MAGI2: variants seen among roughly 807,000 people sequenced by gnomAD.
The protein encoded by MAGI2 is membrane associated guanylate kinase, WW and PDZ domain containing 2.
MAGI2 carries 35 observed loss-of-function variants against 133.3 expected under a neutral mutation model. That is an observed-to-expected ratio of 0.26 (90% CI 0.20 to 0.35). The LOEUF is 0.35. MAGI2 is among the 10% of genes least tolerant of loss of function. MAGI2 has a pLI of 1.00. For missense variants in MAGI2, 1,636 were observed against 1,863.4 expected (o/e 0.88, Z 2.25); for synonymous variants, 729 against 710.6 (o/e 1.03, Z -0.41).
chr7:78,689,513 AT>A lies in MAGI2; in HGVS notation c.419-62275del, dbSNP rs938774097. 2.6e-5 allele frequency among the ~76,000 whole-genome samples: 4 copies of A among 152,204 alleles called. No individual in the cohort carries two copies. In the South Asian group the frequency reaches 6.2e-4, roughly 24 times the overall value. ...ACCTCCAATCTAATTACGATTGATAATATTTCCATCACCTCAAATGCTTCAT... is the reference window on the plus strand; with the variant it reads ...ACCTCCAATCTAATTACGATTGATAAATTTCCATCACCTCAAATGCTTCAT... On this transcript the variant is annotated intron_variant, in intron 2 of 21. Transcript: ENST00000354212.
At chr7:78,283,136 T>G (rs1795796365) in intron 9 of MAGI2, among the ~76,000 whole-genome samples, 1 of 152,126 alleles carries the variant, frequency 6.6e-6, no homozygotes, top group Non-Finnish European at 1.5e-5. Context: ...GGATTATGGA[T>G]TTCCTTTGAA....
At chr7:79,416,248 T>C (rs1329238839) in intron 1 of MAGI2, among the ~76,000 whole-genome samples, 2 of 152,008 alleles carry the variant, frequency 1.3e-5, no homozygotes, top group Non-Finnish European at 2.9e-5. Flanking sequence ...GAAATATTAA[T>C]CTGTTCTAAA....
rs143823771 is a variant in MAGI2, at chr7:78,335,369, G to T, written c.1408+8409C>A. On this transcript the variant is annotated intron_variant, in intron 9 of 21. Transcript: ENST00000354212. ...AATGGGAGTGTCTCCAAAACAGAAA[G>T]AAAATGCCCCAGAGAACAGATTAGA... Among the ~76,000 whole-genome samples the T allele has an allele frequency of 1.3e-3, 199 of 152,238 alleles. 3 individuals are homozygous for T. The highest frequency in any genetic ancestry group is 4.6e-3 in the African/African-American group (192 of 41,522).
chr7:79,246,031 G>A (rs1169734100), intron 1 of MAGI2, among the ~76,000 whole-genome samples: 3 of 152,322 alleles, frequency 2.0e-5, no homozygotes, highest in Non-Finnish European at 4.4e-5. Context: ...CACCAGGGCA[G>A]TAACATATAG....
At chr7:78,379,161 G>A (rs1399401480) in intron 6 of MAGI2, among the ~76,000 whole-genome samples, 1 of 151,742 alleles carries the variant, frequency 6.6e-6, no homozygotes, top group Non-Finnish European at 1.5e-5. Flanking sequence ...AAATAAAGTA[G>A]GGCACATAGA....
intron 1 of MAGI2, among the ~76,000 whole-genome samples, chr7:79,315,086 C>G (rs1337376936): frequency 6.6e-6 from 1 of 151,654 alleles, no homozygotes; most frequent in Non-Finnish European, 1.5e-5. Flanking sequence ...ATACAAAATT[C>G]TTCACATTTG....
chr7:79,209,347 A>C (rs934825896), intron 1 of MAGI2, among the ~76,000 whole-genome samples: 2 of 152,118 alleles, frequency 1.3e-5, no homozygotes, highest in Admixed American at 1.3e-4. Context: ...GTGATTACAC[A>C]TAAAGTGTTT....
intron 10 of MAGI2, among the ~76,000 whole-genome samples, chr7:78,208,084 G>C (rs989807418): frequency 6.8e-6 from 1 of 147,480 alleles, no homozygotes; most frequent in African/African-American, 2.5e-5. Context: ...TGGCCAGGCT[G>C]GTCTCGAACT....
chr7:78,511,551 A>AT (rs760565213), intron 4 of MAGI2, among the ~76,000 whole-genome samples: 10,585 of 127,816 alleles, frequency 0.083, 547 homozygotes, highest in Non-Finnish European at 0.11. Context: ...ATATATATAA[A>AT]TTTTTTTTTT....
At chr7:78,761,439 G>T (rs1031885115) in intron 2 of MAGI2, among the ~76,000 whole-genome samples, 10 of 151,942 alleles carry the variant, frequency 6.6e-5, no homozygotes, top group Non-Finnish European at 1.5e-4. Context: ...AACCATCTGG[G>T]GGTCTTGTTA....
At chr7:78,673,838 G>T (rs1023829876) in intron 2 of MAGI2, among the ~76,000 whole-genome samples, 1 of 152,064 alleles carries the variant, frequency 6.6e-6, no homozygotes, top group African/African-American at 2.4e-5. Flanking sequence ...GGTCAAGCTG[G>T]CATATAAAAT....
At chr7:79,313,448 T>C (rs1838451989) in intron 1 of MAGI2, among the ~76,000 whole-genome samples, 1 of 151,932 alleles carries the variant, frequency 6.6e-6, no homozygotes, top group Non-Finnish European at 1.5e-5. Context: ...CCCTTCTTCC[T>C]CCCCTCTCCC....
chr7:79,131,485 A>G (rs1027079966), intron 1 of MAGI2, among the ~76,000 whole-genome samples: 2 of 152,206 alleles, frequency 1.3e-5, no homozygotes, highest in African/African-American at 4.8e-5. Context: ...GTACTTTGAC[A>G]TTCATTATTT....
intron 6 of MAGI2, among the ~76,000 whole-genome samples, chr7:78,398,111 C>T (rs1172791609): frequency 1.3e-5 from 2 of 152,062 alleles, no homozygotes; most frequent in East Asian, 1.9e-4. Flanking sequence ...GAGAAATTTC[C>T]TATCTACATG....
At chr7:79,052,857 A>G (rs1207965853) in intron 1 of MAGI2, among the ~76,000 whole-genome samples, 3 of 152,128 alleles carry the variant, frequency 2.0e-5, no homozygotes, top group Non-Finnish European at 4.4e-5. Flanking sequence ...CATATTCTTA[A>G]TCTTATAAAA....
At chr7:78,727,263 A>G (rs1820913050) in intron 2 of MAGI2, among the ~76,000 whole-genome samples, 1 of 152,164 alleles carries the variant, frequency 6.6e-6, no homozygotes. Flanking sequence ...TATGGAAGAG[A>G]GAGAGAGAGT....
At chr7:78,644,040 A>T (rs1039710889) in intron 2 of MAGI2, among the ~76,000 whole-genome samples, 3 of 152,192 alleles carry the variant, frequency 2.0e-5, no homozygotes, top group Non-Finnish European at 4.4e-5. Context: ...TAATAATATC[A>T]GAAAAAGTAG....
intron 1 of MAGI2, among the ~76,000 whole-genome samples, chr7:79,416,962 G>A (rs1846576851): frequency 6.6e-6 from 1 of 151,696 alleles, no homozygotes; most frequent in Admixed American, 6.6e-5. Context: ...TCTTACTCCG[G>A]ATCTTGTGAT....
At chr7:78,166,396 T>C (rs1026258444) in intron 15 of MAGI2, among the ~76,000 whole-genome samples, 21 of 152,194 alleles carry the variant, frequency 1.4e-4, no homozygotes, top group African/African-American at 4.6e-4. Context: ...CAGTTAAATG[T>C]TAACCAAGCA....
Sources: allele counts gnomAD v4.1 joint callset (sites outside exome capture counted in the v4.1 genomes callset), GRCh38; gene constraint gnomAD v4.1.1; transcripts MANE v1.5; gene names NCBI Gene and HGNC (gene_info 2026-07-23, HGNC 2026-07-21).